SEMA3C: variants seen among roughly 807,000 people sequenced by gnomAD.
SEMA3C encodes semaphorin-3C.
In SEMA3C, 47 loss-of-function variants were observed where a neutral mutation model predicts 89.4. The observed-to-expected ratio is 0.53, with a 90% CI of 0.42 to 0.67. The LOEUF (loss-of-function observed/expected upper bound fraction) is 0.67, where lower values mean the gene tolerates loss of function less well. Among genes scored for constraint, SEMA3C ranks in the 30% least tolerant of loss-of-function variants. SEMA3C has a pLI of 0.00. For synonymous variants in SEMA3C, 310 were observed against 320.2 expected, an observed-to-expected ratio of 0.97 and a Z score of 0.34; for missense variants, 839 against 929.1, an observed-to-expected ratio of 0.90 and a Z score of 1.26.
intron 12 of SEMA3C, among the ~76,000 whole-genome samples, chr7:80,769,845 C>G (rs1183340165): frequency 1.0e-5 from 1 of 96,120 alleles, no homozygotes; most frequent in Non-Finnish European, 1.8e-5. Flanking sequence ...GGGGATAGAG[C>G]AAGACTCTGT....
intron 5 of SEMA3C, among the ~76,000 whole-genome samples, chr7:80,812,301 C>A (rs920966519): frequency 3.9e-5 from 6 of 152,158 alleles, no homozygotes; most frequent in Non-Finnish European, 8.8e-5. Flanking sequence ...AATGAAGTCA[C>A]TCTACAGGTG....
rs186287789 is a variant in SEMA3C at position 80,805,502 on chromosome 7, T to C, written c.658+137A>G. ...TATTTTCCCCGAATATTTTAAATCA[T>C]AGGGTACAGAATTACCATTATTCAT... On this transcript the variant is annotated intron_variant, in intron 7 of 17. Transcript: ENST00000265361. 135 of 581,222 alleles carry C rather than the reference T, an allele frequency of 2.3e-4. No homozygotes were observed. The East Asian group carries it at 2.4e-3, about 10-fold the overall frequency. The allele number at this position is 581,222 out of a possible 1,614,324, so 36.0% of individuals were successfully genotyped here.
intron 12 of SEMA3C, among the ~76,000 whole-genome samples, chr7:80,765,969 CAAT>C (rs1281629102): frequency 6.6e-6 from 1 of 152,094 alleles, no homozygotes; most frequent in African/African-American, 2.4e-5. Flanking sequence ...AACATTAAAA[CAAT>C]GATTTCATTA....
Position 80,843,653 on chromosome 7 carries a change from A to C in SEMA3C, c.104-14908T>G, listed in dbSNP as rs185464283. Among the ~76,000 whole-genome samples the C allele has an allele frequency of 1.8e-3, 272 of 152,292 alleles. 1 individual carries two copies. The highest frequency in any genetic ancestry group is 6.1e-3 in the African/African-American group (252 of 41,570). ...CTAGCCATGCAAAGACAAGAGTTTCAATTTTAAACAGGATAATTGTACACT... is the reference window on the plus strand; with the variant it reads ...CTAGCCATGCAAAGACAAGAGTTTCCATTTTAAACAGGATAATTGTACACT... On this transcript the variant is annotated intron_variant, in intron 2 of 17. Coordinates refer to ENST00000265361, the MANE Select transcript of SEMA3C (RefSeq NM_006379.5).
At chr7:80,845,790 T>G (rs1020161989) in intron 2 of SEMA3C, among the ~76,000 whole-genome samples, 2 of 152,142 alleles carry the variant, frequency 1.3e-5, no homozygotes, top group African/African-American at 4.8e-5. Context: ...GTACAATGAC[T>G]AGGACCCTAC....
rs1789105404 is a variant in SEMA3C, at chr7:80,797,946, T to A, written c.1131+146A>T. 5.8e-6 allele frequency: 4 copies of A among 694,900 alleles called. No homozygotes were observed. The East Asian group carries it at 1.3e-4, about 23-fold the overall frequency. The allele number at this position is 694,900 out of a possible 1,614,324, so 43.0% of individuals were successfully genotyped here. On this transcript the variant is annotated intron_variant, in intron 11 of 17. Coordinates refer to ENST00000265361, the MANE Select transcript of SEMA3C (RefSeq NM_006379.5). ...CCGGGAGGCGGAGGGTGAGGTGAGC[T>A]GAGATTGCACCACTACATTCCACCC... is the stretch of plus-strand genomic sequence containing the variant.
At chr7:80,764,103 G>A (rs1788244781) in intron 13 of SEMA3C, among the ~76,000 whole-genome samples, 2 of 151,988 alleles carry the variant, frequency 1.3e-5, no homozygotes, top group South Asian at 2.1e-4. Flanking sequence ...ACCCACTTAC[G>A]TGCTTATAAA....
At position 80,787,578 on chromosome 7, in the gene SEMA3C, A is replaced by G. The variant is rs1222696806; in HGVS notation, c.1354+1728T>C. Among the ~76,000 whole-genome samples, 7 of 151,992 alleles carry G rather than the reference A, an allele frequency of 4.6e-5. No individual in the cohort carries two copies. In the South Asian group the frequency reaches 1.2e-3, roughly 27 times the overall value. On this transcript the variant is annotated intron_variant, in intron 12 of 17. Coordinates refer to ENST00000265361, the MANE Select transcript of SEMA3C (RefSeq NM_006379.5). Reference sequence around the variant, plus strand: ...ATGCCAACTGATGCAAATAGGAGAGAGAGGTATTTCAGTGGTTAAAAGCCT... The same window carrying G: ...ATGCCAACTGATGCAAATAGGAGAGGGAGGTATTTCAGTGGTTAAAAGCCT...
At chr7:80,901,525 ACCG>A (rs2116198581) in intron 2 of SEMA3C, among the ~76,000 whole-genome samples, 1 of 152,322 alleles carries the variant, frequency 6.6e-6, no homozygotes, top group East Asian at 1.9e-4. Flanking sequence ...TGCAAAACTT[ACCG>A]CCAAGTGCTA....
At chr7:80,828,130 A>AT (rs1249121802) in intron 3 of SEMA3C, among the ~76,000 whole-genome samples, 2 of 152,034 alleles carry the variant, frequency 1.3e-5, no homozygotes, top group African/African-American at 4.8e-5. Flanking sequence ...ATCTACATGT[A>AT]TTTTTTTCAC....
At chr7:80,795,214 G>A (rs1405602778) in intron 11 of SEMA3C, among the ~76,000 whole-genome samples, 2 of 152,142 alleles carry the variant, frequency 1.3e-5, no homozygotes, top group Admixed American at 6.6e-5. Flanking sequence ...GAAGTGCAAC[G>A]AAGAGACAGA....
chr7:80,880,093 C>T lies in SEMA3C; in HGVS notation c.103+36586G>A, dbSNP rs1405156223. ...TGGGCCTTTGCTCTGGCTTTTTCCT[C>T]TGTCTGGAATGCTCTTCCCACAGAT... On this transcript the variant is annotated intron_variant, in intron 2 of 17. Coordinates refer to ENST00000265361, the MANE Select transcript of SEMA3C (RefSeq NM_006379.5). Among the ~76,000 whole-genome samples the T allele has an allele frequency of 2.0e-5, 3 of 152,260 alleles. No homozygotes were observed. The East Asian group carries it at 5.8e-4, about 29-fold the overall frequency.
intron 6 of SEMA3C, among the ~76,000 whole-genome samples, chr7:80,805,989 A>G (rs1392910003): frequency 6.6e-6 from 1 of 152,042 alleles, no homozygotes; most frequent in African/African-American, 2.4e-5. Flanking sequence ...ATCAAACCTC[A>G]AAACAACTTT....
intron 12 of SEMA3C, among the ~76,000 whole-genome samples, chr7:80,766,472 A>G (rs993345613): frequency 5.3e-5 from 8 of 152,178 alleles, no homozygotes; most frequent in Non-Finnish European, 7.3e-5. Context: ...ACTTTACTTC[A>G]TCTTCTTCCT....
intron 2 of SEMA3C, among the ~76,000 whole-genome samples, chr7:80,881,960 A>C (rs1422317147): frequency 6.6e-6 from 1 of 152,236 alleles, no homozygotes; most frequent in Non-Finnish European, 1.5e-5. Context: ...TTGTTGATTT[A>C]ATAATAAATA....
intron 2 of SEMA3C, among the ~76,000 whole-genome samples, chr7:80,860,274 T>C (rs1562909843): frequency 6.6e-6 from 1 of 152,158 alleles, no homozygotes; most frequent in Admixed American, 6.6e-5. Flanking sequence ...ATAAAAATAT[T>C]TTTAATAAAA....
chr7:80,746,148 TA>T (rs1787795119), intron 17 of SEMA3C, among the ~76,000 whole-genome samples: 1 of 151,960 alleles, frequency 6.6e-6, no homozygotes, highest in African/African-American at 2.4e-5. Flanking sequence ...GAAGAAAAAA[TA>T]AATCTGACCA....
chr7:80,749,160 A>G (rs1271586274), intron 16 of SEMA3C, 132 bp from the exon 17 acceptor site: 1 of 908,536 alleles, frequency 1.1e-6, no homozygotes, highest in African/African-American at 1.7e-5. Flanking sequence ...AGCCAGCAAA[A>G]AACAGTGGTA....
At chr7:80,800,952 T>A (rs1179829157) in intron 9 of SEMA3C, 126 bp from the exon 10 acceptor site, 3 of 476,572 alleles carry the variant, frequency 6.3e-6, no homozygotes, top group Non-Finnish European at 1.1e-5. Context: ...TGTACCATTA[T>A]GGTAATTTGG....
Sources: gnomAD v4.1 joint callset for allele counts (sites outside exome capture counted in the v4.1 genomes callset) on GRCh38, gnomAD v4.1.1 for gene constraint, MANE v1.5 for transcripts, NCBI Gene and HGNC (gene_info 2026-07-23, HGNC 2026-07-21) for gene names.